The following ZFAT variants were observed in gnomAD, a reference collection of about 807,000 sequenced individuals.
ZFAT encodes zinc finger protein ZFAT.
Under a neutral mutation model 117.7 loss-of-function variants are expected in ZFAT, and 64 were observed. That is an observed-to-expected ratio of 0.54 (90% confidence interval 0.44 to 0.67). ZFAT has a LOEUF of 0.67. ZFAT is among the 30% of genes least tolerant of loss of function. ZFAT has a pLI of 0.00. For synonymous variants in ZFAT, 679 were observed against 615.0 expected (o/e 1.10, Z -1.54); for missense variants, 1,433 against 1,584.5 (o/e 0.90, Z 1.62).
chr8:134,498,396 G>GC (rs1466765950), intron 15 of ZFAT, among the ~76,000 whole-genome samples: 11 of 77,016 alleles, frequency 1.4e-4, no homozygotes, highest in African/African-American at 7.0e-4. Flanking sequence ...GAACTGGGAT[G>GC]CCCCCGTTGC....
chr8:134,676,255 C>CAAAAAAAAAAAAAAAA (rs146638821), intron 1 of ZFAT, among the ~76,000 whole-genome samples: 7 of 80,578 alleles, frequency 8.7e-5, no homozygotes, highest in Non-Finnish European at 1.6e-4. Context: ...AAATGGAAAG[C>CAAAAAAAAAAAAAAAA]AAAAAAAAAA....
chr8:134,634,973 G>A lies in ZFAT; in HGVS notation c.448+2488C>T, dbSNP rs116706888. 2.2e-3 allele frequency among the ~76,000 whole-genome samples: 331 copies of A among 152,288 alleles called. 1 individual carries two copies. The highest frequency in any genetic ancestry group is 0.016 in the East Asian group (85 of 5,180). On this transcript the variant is annotated intron_variant, in intron 3 of 15. Transcript: ENST00000377838. ...GCATTAGATTCTCAATAAGGAGCAC[G>A]CAACGTAGATCCCTGGCATGTGCAG...
chr8:134,566,069 C>T (rs1824437178), intron 10 of ZFAT, among the ~76,000 whole-genome samples: 1 of 151,740 alleles, frequency 6.6e-6, no homozygotes. Flanking sequence ...AGAAAGAAAA[C>T]TAGGGAAAAG....
At chr8:134,790,496 C>T in the ZFAT span, among the ~76,000 whole-genome samples, 1 of 152,114 alleles carries the variant, frequency 6.6e-6, no homozygotes, top group African/African-American at 2.4e-5. Flanking sequence ...CAGGAGTATG[C>T]ATGAGAGAAG....
intron 15 of ZFAT, among the ~76,000 whole-genome samples, chr8:134,501,038 T>C (rs951646849): frequency 2.6e-5 from 4 of 152,172 alleles, no homozygotes; most frequent in Admixed American, 1.3e-4. Context: ...TGAAAAGTGG[T>C]TGTCATTACA....
intron 13 of ZFAT, among the ~76,000 whole-genome samples, chr8:134,515,658 T>C (rs1184003791): frequency 2.0e-5 from 3 of 152,162 alleles, no homozygotes; most frequent in Admixed American, 2.0e-4. Context: ...GATGGGGTTG[T>C]TTTTTTCTTG....
intron 5 of ZFAT, among the ~76,000 whole-genome samples, chr8:134,603,340 C>T (rs1563663660): frequency 3.3e-5 from 5 of 152,090 alleles, no homozygotes; most frequent in Admixed American, 2.6e-4. Context: ...GACAGGTGTG[C>T]CATCCACAAC....
intron 15 of ZFAT, among the ~76,000 whole-genome samples, chr8:134,506,913 G>A (rs538610778): frequency 2.0e-5 from 3 of 152,340 alleles, no homozygotes; most frequent in Admixed American, 1.3e-4. Context: ...ACTTTATGAT[G>A]AGGAATTCTT....
the ZFAT span, among the ~76,000 whole-genome samples, chr8:134,803,427 A>G: frequency 2.6e-5 from 4 of 152,176 alleles, no homozygotes; most frequent in African/African-American, 9.7e-5. Context: ...ATGTGCTAAA[A>G]CAGAGGGCCA....
chr8:134,741,247 C>T, the ZFAT span, among the ~76,000 whole-genome samples: 1 of 151,844 alleles, frequency 6.6e-6, no homozygotes, highest in Admixed American at 6.6e-5. Context: ...AAAGAATGAT[C>T]TTTTAACTTC....
chr8:134,531,486 A>G (rs962534328), intron 12 of ZFAT, among the ~76,000 whole-genome samples: 1 of 152,224 alleles, frequency 6.6e-6, no homozygotes. Context: ...AGGACTGAAC[A>G]TGTACTGCAT....
intron 11 of ZFAT, among the ~76,000 whole-genome samples, chr8:134,543,656 T>C (rs1347225717): frequency 6.6e-6 from 1 of 152,198 alleles, no homozygotes; most frequent in Non-Finnish European, 1.5e-5. Flanking sequence ...TGAGAAAGAA[T>C]CTATTGATTC....
the ZFAT span, among the ~76,000 whole-genome samples, chr8:134,822,420 A>T: frequency 6.6e-6 from 1 of 152,162 alleles, no homozygotes; most frequent in Non-Finnish European, 1.5e-5. Context: ...GGTCATAAGT[A>T]ATAAAGATAA....
chr8:134,696,066 TCTAA>T (rs1258869372), intron 1 of ZFAT, among the ~76,000 whole-genome samples: 8 of 151,462 alleles, frequency 5.3e-5, no homozygotes, highest in African/African-American at 1.7e-4. Context: ...TGCCTGCGTC[TCTAA>T]CTAAGGAGGA....
intron 1 of ZFAT, among the ~76,000 whole-genome samples, chr8:134,687,640 C>T (rs1833389179): frequency 6.6e-6 from 1 of 152,070 alleles, no homozygotes; most frequent in African/African-American, 2.4e-5. Context: ...GCTGCAGACC[C>T]TGGACACGAC....
At chr8:134,625,306 T>A (rs1198283234) in intron 3 of ZFAT, among the ~76,000 whole-genome samples, 2 of 152,194 alleles carry the variant, frequency 1.3e-5, no homozygotes, top group Non-Finnish European at 2.9e-5. Flanking sequence ...ACATACTAAC[T>A]GCAGTGATTG....
the ZFAT span, among the ~76,000 whole-genome samples, chr8:134,812,177 A>G: frequency 6.6e-6 from 1 of 152,090 alleles, no homozygotes; most frequent in Non-Finnish European, 1.5e-5. Flanking sequence ...AAAATAAAAT[A>G]CCTATCTTGG....
At chr8:134,559,660 G>T (rs1469118503) in intron 11 of ZFAT, among the ~76,000 whole-genome samples, 2 of 152,214 alleles carry the variant, frequency 1.3e-5, no homozygotes, top group South Asian at 4.1e-4. Context: ...GTGTGAGAAT[G>T]GCTGTTCCTC....
At chr8:134,596,626 T>C (rs1554596552) in intron 7 of ZFAT, among the ~76,000 whole-genome samples, 1 of 152,150 alleles carries the variant, frequency 6.6e-6, no homozygotes, top group Non-Finnish European at 1.5e-5. Context: ...AGTTGGGAGG[T>C]ACTGTCTTGG....
Sources: gnomAD v4.1 joint callset for allele counts (sites outside exome capture counted in the v4.1 genomes callset) on GRCh38, gnomAD v4.1.1 for gene constraint, MANE v1.5 for transcripts, NCBI Gene and HGNC (gene_info 2026-07-23, HGNC 2026-07-21) for gene names.